Variants in SORBS2 observed in about 807,000 individuals in gnomAD.
The protein encoded by SORBS2 is sorbin and SH3 domain containing 2.
In SORBS2, 46 loss-of-function variants were observed where a neutral mutation model predicts 97.7. The observed-to-expected ratio is 0.47, with a 90% CI of 0.37 to 0.60. SORBS2 has a LOEUF of 0.60. Among genes scored for constraint, SORBS2 ranks in the 20% least tolerant of loss-of-function variants. SORBS2 has a pLI of 0.00. For synonymous variants in SORBS2, 476 were observed against 473.4 expected, an observed-to-expected ratio of 1.01 and a Z score of -0.07; for missense variants, 1,316 against 1,282.3, an observed-to-expected ratio of 1.03 and a Z score of -0.40.
At chr4:185,712,894 C>A (rs1583259007) in intron 2 of SORBS2, among the ~76,000 whole-genome samples, 1 of 152,320 alleles carries the variant, frequency 6.6e-6, no homozygotes, top group East Asian at 1.9e-4. Context: ...TCTCCAGAAC[C>A]TGCACACCTC....
intron 2 of SORBS2, chr4:185,772,806 A>G (rs1241104122): frequency 6.6e-6 from 1 of 152,218 alleles, no homozygotes; most frequent in Admixed American, 6.5e-5. Flanking sequence ...CAGATTCTAT[A>G]CTAATACAAT....
In SORBS2 at chr4:185,736,842, T is replaced by A. The variant is rs533860302; in HGVS notation, c.-198+38385A>T. Among the ~76,000 whole-genome samples the A allele has an allele frequency of 7.2e-5, 11 of 152,258 alleles. No homozygotes were observed. In the South Asian group the frequency reaches 2.3e-3, roughly 32 times the overall value. Reference sequence around the variant, plus strand: ...GGGACTTGGAAAATCAGGAACCCGATAGTCCATAGTTGGGGAGACTGAAAG... The same window carrying A: ...GGGACTTGGAAAATCAGGAACCCGAAAGTCCATAGTTGGGGAGACTGAAAG... On this transcript the variant is annotated intron_variant, in intron 2 of 20. Transcript: ENST00000284776.
Position 185,877,038 on chromosome 4 carries a change from A to G in SORBS2, c.-338+79158T>C, listed in dbSNP as rs144242836. ...GCAGTTTCTCTTGGATGATGAGGCC[A>G]TAAGTCAGAGATCTGCTTCAATAAA... is the stretch of plus-strand genomic sequence containing the variant. On this transcript the variant is annotated intron_variant, in intron 1 of 20. Coordinates refer to the SORBS2 transcript ENST00000284776. 2.6e-5 allele frequency among the ~76,000 whole-genome samples: 4 copies of G among 152,336 alleles called. No individual in the cohort carries two copies. The East Asian group carries it at 7.7e-4, about 29-fold the overall frequency.
chr4:185,820,249 G>A (rs2099195917), intron 1 of SORBS2, among the ~76,000 whole-genome samples: 1 of 152,208 alleles, frequency 6.6e-6, no homozygotes, highest in African/African-American at 2.4e-5. Flanking sequence ...AGTGTCATCA[G>A]TGGGAACTTA....
intron 1 of SORBS2, among the ~76,000 whole-genome samples, chr4:185,905,605 G>A (rs965662574): frequency 6.6e-6 from 1 of 152,124 alleles, no homozygotes; most frequent in Non-Finnish European, 1.5e-5. Context: ...GGTTGTCATT[G>A]TTTCTTCTCT....
chr4:185,931,805 A>C (rs1422736433), intron 1 of SORBS2, among the ~76,000 whole-genome samples: 1 of 69,612 alleles, frequency 1.4e-5, no homozygotes, highest in Non-Finnish European at 3.2e-5. Flanking sequence ...AGAGGCAGAG[A>C]CAGACAGACA....
intron 9 of SORBS2, among the ~76,000 whole-genome samples, chr4:185,616,169 T>A (rs72718119): frequency 0.18 from 26,910 of 152,236 alleles, 2,539 homozygotes; most frequent in African/African-American, 0.23. Flanking sequence ...AATCTTTTTT[T>A]AAAAAATTTT....
upstream of SORBS2, chr4:185,956,370 A>G (rs1172688691): frequency 6.6e-6 from 1 of 152,198 alleles, no homozygotes; most frequent in Non-Finnish European, 1.5e-5. Context: ...ATAAAAGGAG[A>G]CTAACCAGCT....
At chr4:185,689,365 T>G (rs1415106453) in intron 2 of SORBS2, among the ~76,000 whole-genome samples, 1 of 152,224 alleles carries the variant, frequency 6.6e-6, no homozygotes, top group East Asian at 1.9e-4. Flanking sequence ...AGCTGTGGGC[T>G]CTACATTCTA....
chr4:185,952,764 A>T (rs1230829265), intron 1 of SORBS2, among the ~76,000 whole-genome samples: 1 of 152,212 alleles, frequency 6.6e-6, no homozygotes, highest in East Asian at 1.9e-4. Context: ...GCAAAAAATA[A>T]AAAATGTTGT....
intron 1 of SORBS2, among the ~76,000 whole-genome samples, chr4:185,860,071 G>T (rs995995728): frequency 9.2e-5 from 14 of 152,198 alleles, no homozygotes; most frequent in African/African-American, 3.4e-4. Flanking sequence ...ACTTGTAATT[G>T]TATAAGCAGG....
At chr4:185,762,396 G>C (rs1405011552) in intron 2 of SORBS2, among the ~76,000 whole-genome samples, 1 of 152,100 alleles carries the variant, frequency 6.6e-6, no homozygotes, top group Non-Finnish European at 1.5e-5. Context: ...ATAGAGATTA[G>C]GGATTATCGT....
chr4:185,854,161 G>T (rs1039435736), intron 1 of SORBS2, among the ~76,000 whole-genome samples: 1 of 152,204 alleles, frequency 6.6e-6, no homozygotes, highest in Non-Finnish European at 1.5e-5. Flanking sequence ...AGCTCTGGAG[G>T]TGGTGAGTGA....
chr4:185,945,083 C>T (rs142575117), intron 1 of SORBS2, among the ~76,000 whole-genome samples: 29 of 152,306 alleles, frequency 1.9e-4, no homozygotes, highest in African/African-American at 5.1e-4. Context: ...ATGCCCGCCA[C>T]GTTTTACTCA....
chr4:185,711,724 T>G (rs2098422332), intron 2 of SORBS2, among the ~76,000 whole-genome samples: 2 of 152,170 alleles, frequency 1.3e-5, no homozygotes, highest in Non-Finnish European at 2.9e-5. Context: ...TCCAAATGTG[T>G]TTGAATGAGG....
At chr4:185,778,283 G>T (rs1283844141) in intron 1 of SORBS2, among the ~76,000 whole-genome samples, 1 of 152,190 alleles carries the variant, frequency 6.6e-6, no homozygotes, top group East Asian at 1.9e-4. Flanking sequence ...GTCCACCCCA[G>T]AGCGTCTGAT....
chr4:185,723,144 AAAAAT>A (rs1291720822), intron 2 of SORBS2, among the ~76,000 whole-genome samples: 2 of 152,178 alleles, frequency 1.3e-5, no homozygotes, highest in African/African-American at 2.4e-5. Context: ...ACCATTAAAA[AAAAAT>A]AAAATAAAAT....
upstream of SORBS2, among the ~76,000 whole-genome samples, chr4:185,659,247 G>A (rs1014015172): frequency 2.6e-5 from 4 of 152,256 alleles, no homozygotes; most frequent in African/African-American, 9.6e-5. Context: ...AAATGTCCCT[G>A]AATAAACGAA....
chr4:185,851,146 C>T (rs1048571967), intron 1 of SORBS2, among the ~76,000 whole-genome samples: 1 of 152,032 alleles, frequency 6.6e-6, no homozygotes, highest in Non-Finnish European at 1.5e-5. Context: ...CTCTGGGGAC[C>T]CTCGGCTGAT....
Sources: allele counts gnomAD v4.1 joint callset (sites outside exome capture counted in the v4.1 genomes callset), GRCh38; gene constraint gnomAD v4.1.1; transcripts MANE v1.5; gene names NCBI Gene and HGNC (gene_info 2026-07-23, HGNC 2026-07-21).